ZPBP: variants seen among roughly 807,000 people sequenced by gnomAD.
ZPBP encodes zona pellucida binding protein.
A neutral mutation model predicts 44.8 loss-of-function variants in ZPBP; 26 were observed. That is an observed-to-expected ratio of 0.58 (90% CI 0.43 to 0.81). ZPBP has a LOEUF of 0.81. Ranked by LOEUF, ZPBP falls within the 30% of genes least tolerant of loss-of-function variation. The probability of loss-of-function intolerance (pLI) is 0.00; values close to 1 mark genes in which losing one functional copy is unlikely to be tolerated. For synonymous variants in ZPBP, 174 were observed against 153.2 expected, an observed-to-expected ratio of 1.14 and a Z score of -1.00; for missense variants, 409 against 434.0, an observed-to-expected ratio of 0.94 and a Z score of 0.51.
chr7:49,943,047 T>A (rs1268481420), intron 7 of ZPBP: 2 of 326,586 alleles, frequency 6.1e-6, no homozygotes, highest in African/African-American at 4.3e-5. Flanking sequence ...GACTCTCCAT[T>A]AAGCAGCTTG....
chr7:49,967,161 C>T (rs998518561), intron 7 of ZPBP, among the ~76,000 whole-genome samples: 1 of 152,160 alleles, frequency 6.6e-6, no homozygotes, highest in Non-Finnish European at 1.5e-5. Context: ...GCCCAGAGGG[C>T]AGAGCTTCTC....
chr7:49,948,961 G>A (rs765484198), intron 7 of ZPBP, among the ~76,000 whole-genome samples: 13 of 151,990 alleles, frequency 8.6e-5, no homozygotes, highest in Non-Finnish European at 1.5e-4. Context: ...ATATATTAAA[G>A]CCCTAATCTC....
intron 7 of ZPBP, among the ~76,000 whole-genome samples, chr7:49,962,634 G>A (rs1000542384): frequency 1.3e-5 from 2 of 151,738 alleles, no homozygotes; most frequent in Admixed American, 1.3e-4. Context: ...ATAGTCTCAT[G>A]AGTCAATAAA....
chr7:50,058,060 G>A lies in ZPBP; in HGVS notation c.416C>T (p.Thr139Ile), dbSNP rs375766793. ...NFEESMSGIY[T>I]CFLEYKPTVE... The stretch of plus-strand genomic sequence containing the variant: ...AGTAGGTTTATATTCGAGGAAACAT[G>A]TATAAATTCCACTCATACTCTCCTC... The change falls in exon 4 of 8, where the codon ACA becomes ATA. Residue 139 changes from threonine to isoleucine, a missense_variant. Around this residue, in one of 2 missense-constraint regions of ZPBP, gnomAD observed 367 missense variants for 363.1 expected, o/e 1.01. Transcript: ENST00000046087. 2.7e-5 allele frequency: 44 copies of A among 1,613,474 alleles called. No homozygotes were observed. The highest frequency in any genetic ancestry group is 1.2e-4 in the Admixed American group (7 of 59,994).
chr7:50,012,769 T>C (rs1372821359), intron 6 of ZPBP, among the ~76,000 whole-genome samples: 1 of 150,160 alleles, frequency 6.7e-6, no homozygotes, highest in East Asian at 1.9e-4. Flanking sequence ...CTATTCAATG[T>C]TGTACTGTAG....
intron 1 of ZPBP, among the ~76,000 whole-genome samples, chr7:49,925,193 A>G (rs770382906): frequency 1.1e-4 from 16 of 152,166 alleles, no homozygotes; most frequent in Non-Finnish European, 2.1e-4. Flanking sequence ...ATGAGTGGGC[A>G]TCAGCCTTCC....
chr7:50,018,355 A>ATT, intron 5 of ZPBP, 39 bp from the exon 6 acceptor site: 1 of 1,375,728 alleles, frequency 7.3e-7, no homozygotes, highest in Non-Finnish European at 1.0e-6. Flanking sequence ...GGTATAATGT[A>ATT]TTCTGTCACA....
chr7:49,987,620 T>C (rs1382123643), intron 6 of ZPBP, among the ~76,000 whole-genome samples: 1 of 152,168 alleles, frequency 6.6e-6, no homozygotes, highest in African/African-American at 2.4e-5. Context: ...TAAGCCTTTT[T>C]AGCCTTAGAG....
intron 7 of ZPBP, among the ~76,000 whole-genome samples, chr7:49,979,495 CATA>C (rs1226824721): frequency 6.6e-6 from 1 of 151,702 alleles, no homozygotes; most frequent in African/African-American, 2.4e-5. Context: ...TAGTGTAGTA[CATA>C]ATAAGTTGAG....
At chr7:49,943,500 C>T (rs564189997) in intron 7 of ZPBP, 3 of 433,408 alleles carry the variant, frequency 6.9e-6, no homozygotes, top group East Asian at 6.7e-5. Context: ...ACCCAACACT[C>T]ATCTGTTTCT....
intron 3 of ZPBP, 141 bp downstream of exon 3, chr7:50,081,633 T>C: frequency 9.8e-7 from 1 of 1,023,592 alleles, no homozygotes; most frequent in African/African-American, 1.6e-5. Flanking sequence ...ATCTACATTG[T>C]TAGCTCTAAC....
At chr7:49,982,556 AG>A (rs1370262600) in intron 7 of ZPBP, among the ~76,000 whole-genome samples, 1 of 151,144 alleles carries the variant, frequency 6.6e-6, no homozygotes, top group Non-Finnish European at 1.5e-5. Context: ...AAGAAAACAA[AG>A]CAAAAGGAAG....
chr7:49,925,175 A>G (rs567637710), intron 1 of ZPBP, among the ~76,000 whole-genome samples: 1 of 152,286 alleles, frequency 6.6e-6, no homozygotes, highest in Non-Finnish European at 1.5e-5. Flanking sequence ...TCTTTTGTGC[A>G]GGATTACATG....
chr7:49,953,301 C>T (rs1795431451), intron 7 of ZPBP, among the ~76,000 whole-genome samples: 2 of 152,000 alleles, frequency 1.3e-5, no homozygotes, highest in Admixed American at 6.6e-5. Flanking sequence ...TTTTACACAA[C>T]AGCAATCAGC....
At chr7:49,894,701 T>C (rs1311294567) in intron 2 of ZPBP, among the ~76,000 whole-genome samples, 1 of 152,214 alleles carries the variant, frequency 6.6e-6, no homozygotes, top group Non-Finnish European at 1.5e-5. Context: ...GGTGGGGGCC[T>C]AGGGCTGTCA....
At chr7:50,068,176 T>C (rs1391552039) in intron 3 of ZPBP, among the ~76,000 whole-genome samples, 1 of 152,186 alleles carries the variant, frequency 6.6e-6, no homozygotes, top group Non-Finnish European at 1.5e-5. Flanking sequence ...ACAAGACATT[T>C]GGCATCTAAA....
intron 5 of ZPBP, among the ~76,000 whole-genome samples, chr7:50,022,640 T>C (rs1250807668): frequency 6.6e-6 from 1 of 152,040 alleles, no homozygotes; most frequent in Non-Finnish European, 1.5e-5. Flanking sequence ...TGGTTTCTAT[T>C]TGACATCTAC....
intron 2 of ZPBP, among the ~76,000 whole-genome samples, chr7:49,897,175 G>A (rs1001652510): frequency 9.2e-5 from 14 of 152,190 alleles, no homozygotes; most frequent in Middle Eastern, 3.4e-3. Context: ...GATTACAGGC[G>A]TGAGCCACCG....
intron 4 of ZPBP, among the ~76,000 whole-genome samples, chr7:50,034,906 CA>C (rs919141098): frequency 6.6e-6 from 1 of 152,112 alleles, no homozygotes; most frequent in Non-Finnish European, 1.5e-5. Context: ...TGAAGAAAAA[CA>C]AAATATTTCT....
Sources: gnomAD v4.1 joint callset for allele counts (sites outside exome capture counted in the v4.1 genomes callset) on GRCh38, gnomAD v4.1.1 for gene constraint, gnomAD v4.1.1 regional missense constraint, MANE v1.5 for transcripts, NCBI Gene and HGNC (gene_info 2026-07-23, HGNC 2026-07-21) for gene names.